The following PXDNL variants were observed in gnomAD, a reference collection of about 807,000 sequenced individuals.
PXDNL encodes the protein peroxidasin like, also known as probable oxidoreductase PXDNL.
In PXDNL, 145 loss-of-function variants were observed where a neutral mutation model predicts 150.8. That is an observed-to-expected ratio of 0.96 (90% CI 0.84 to 1.10). The LOEUF (loss-of-function observed/expected upper bound fraction) is 1.10. Ranked by LOEUF, PXDNL falls within the 50% of genes least tolerant of loss-of-function variation. PXDNL has a pLI of 0.00. For missense variants in PXDNL, 2,087 were observed against 1,873.9 expected, an observed-to-expected ratio of 1.11 and a Z score of -2.10; for synonymous variants, 757 against 725.7, an observed-to-expected ratio of 1.04 and a Z score of -0.69.
chr8:51,611,830 A>T (rs1814009630), intron 2 of PXDNL, among the ~76,000 whole-genome samples: 1 of 152,224 alleles, frequency 6.6e-6, no homozygotes, highest in African/African-American at 2.4e-5. Context: ...GGAGCACGGC[A>T]CTTTGGAGGA....
intron 19 of PXDNL, among the ~76,000 whole-genome samples, chr8:51,357,014 A>G (rs1806530493): frequency 6.6e-6 from 1 of 152,178 alleles, no homozygotes; most frequent in Non-Finnish European, 1.5e-5. Flanking sequence ...TACTGTTTAT[A>G]TAAGCTCTGA....
chr8:51,558,228 T>G (rs2130547548), intron 3 of PXDNL, among the ~76,000 whole-genome samples: 1 of 152,204 alleles, frequency 6.6e-6, no homozygotes, highest in East Asian at 1.9e-4. Flanking sequence ...TAGTAATGTC[T>G]GGGTCCCTGC....
At chr8:51,588,750 C>A (rs898795919) in intron 3 of PXDNL, among the ~76,000 whole-genome samples, 1 of 152,038 alleles carries the variant, frequency 6.6e-6, no homozygotes. Context: ...TCGTGACATG[C>A]CCATGAGTAG....
At chr8:51,481,359 C>T (rs1407869380) in intron 6 of PXDNL, among the ~76,000 whole-genome samples, 2 of 152,162 alleles carry the variant, frequency 1.3e-5, no homozygotes, top group African/African-American at 4.8e-5. Context: ...TTTCAGGTAT[C>T]TGGTAGAAGA....
At chr8:51,566,451 T>G (rs1166245843) in intron 3 of PXDNL, among the ~76,000 whole-genome samples, 2 of 151,974 alleles carry the variant, frequency 1.3e-5, no homozygotes, top group Non-Finnish European at 2.9e-5. Context: ...TTATTAATTA[T>G]TGATTCAATT....
intron 1 of PXDNL, among the ~76,000 whole-genome samples, chr8:51,697,445 CCA>C (rs1241586511): frequency 5.3e-5 from 8 of 152,048 alleles, no homozygotes; most frequent in Non-Finnish European, 1.2e-4. Context: ...TGACAGGTCC[CCA>C]CAGGGTTACT....
intron 4 of PXDNL, among the ~76,000 whole-genome samples, chr8:51,553,771 T>TATATATATATACACAC (rs1236843720): frequency 1.9e-4 from 12 of 63,820 alleles, no homozygotes; most frequent in African/African-American, 1.1e-3. Flanking sequence ...TATATATATA[T>TATATATATATACACAC]ACACACACTG....
At chr8:51,780,097 A>G (rs1396964464) in intron 1 of PXDNL, among the ~76,000 whole-genome samples, 1 of 152,116 alleles carries the variant, frequency 6.6e-6, no homozygotes, top group East Asian at 1.9e-4. Context: ...TGTAATCCCA[A>G]ACTACTGAGG....
intron 1 of PXDNL, among the ~76,000 whole-genome samples, chr8:51,781,461 A>G (rs2037414303): frequency 6.6e-6 from 1 of 152,214 alleles, no homozygotes. Context: ...TTCACAATGC[A>G]TGGAGATACA....
intron 14 of PXDNL, among the ~76,000 whole-genome samples, chr8:51,418,389 C>T (rs1176508885): frequency 6.6e-6 from 1 of 152,108 alleles, no homozygotes; most frequent in East Asian, 1.9e-4. Context: ...TCTTCAGTTA[C>T]CAATTTCACT....
chr8:51,436,051 C>A, intron 12 of PXDNL: 1 of 523,850 alleles, frequency 1.9e-6, no homozygotes, highest in South Asian at 1.4e-5. Context: ...TAGTCATAGC[C>A]TAGCTGAACT....
At chr8:51,348,898 GA>G (rs1806248763) in intron 19 of PXDNL, among the ~76,000 whole-genome samples, 5 of 152,134 alleles carry the variant, frequency 3.3e-5, no homozygotes, top group Admixed American at 3.3e-4. Context: ...ACAGAATGAG[GA>G]AAACAGAAGA....
At chr8:51,389,417 C>A (rs1807824338) in intron 17 of PXDNL, among the ~76,000 whole-genome samples, 1 of 152,170 alleles carries the variant, frequency 6.6e-6, no homozygotes, top group African/African-American at 2.4e-5. Flanking sequence ...AACCATATTG[C>A]TGCTTCCTCT....
At chr8:51,711,088 C>G (rs1400018036) in intron 1 of PXDNL, among the ~76,000 whole-genome samples, 1 of 152,164 alleles carries the variant, frequency 6.6e-6, no homozygotes, top group Non-Finnish European at 1.5e-5. Context: ...TCACAGTTTA[C>G]AGATATCATG....
At chr8:51,520,606 C>T (rs976829043) in intron 4 of PXDNL, among the ~76,000 whole-genome samples, 2 of 152,100 alleles carry the variant, frequency 1.3e-5, no homozygotes, top group Non-Finnish European at 2.9e-5. Flanking sequence ...GTGAGAAAAG[C>T]TCTAAGGAGC....
At chr8:51,456,658 G>A (rs1201994184) in intron 9 of PXDNL, among the ~76,000 whole-genome samples, 1 of 152,104 alleles carries the variant, frequency 6.6e-6, no homozygotes. Context: ...TTCGGTCTCA[G>A]GGTTATTATG....
chr8:51,403,920 C>T (rs1053969075), intron 17 of PXDNL, among the ~76,000 whole-genome samples: 1 of 152,152 alleles, frequency 6.6e-6, no homozygotes, highest in Admixed American at 6.5e-5. Context: ...GAGTTTGTTC[C>T]TTCTGATGTT....
intron 1 of PXDNL, among the ~76,000 whole-genome samples, chr8:51,668,170 C>T (rs1815425313): frequency 3.7e-5 from 1 of 27,044 alleles, no homozygotes; most frequent in Non-Finnish European, 6.7e-5. Flanking sequence ...TTCCTTCTCG[C>T]TCTCTCTTTT....
chr8:51,322,866 C>T (rs2217988), intron 21 of PXDNL, among the ~76,000 whole-genome samples: 51,218 of 152,090 alleles, frequency 0.34, 10,318 homozygotes, highest in African/African-American at 0.56. Flanking sequence ...GTGGCATCCA[C>T]CCATTCATTA....
Sources: allele counts gnomAD v4.1 joint callset (sites outside exome capture counted in the v4.1 genomes callset), GRCh38; gene constraint gnomAD v4.1.1; transcripts MANE v1.5; gene names NCBI Gene and HGNC (gene_info 2026-07-23, HGNC 2026-07-21).